The following PLEKHB2 variants were observed in gnomAD, a reference collection of about 807,000 sequenced individuals.
PLEKHB2 encodes pleckstrin homology domain containing B2.
PLEKHB2 carries 31 observed loss-of-function variants against 36.5 expected under a neutral mutation model. That is an observed-to-expected ratio of 0.85 (90% CI 0.64 to 1.15). The LOEUF (loss-of-function observed/expected upper bound fraction) is 1.15, where lower values mean the gene tolerates loss of function less well. Among genes scored for constraint, PLEKHB2 ranks in the 50% most tolerant of loss-of-function variants. The pLI is 0.00. For synonymous variants in PLEKHB2, 119 were observed against 112.0 expected, an observed-to-expected ratio of 1.06 and a Z score of -0.39; for missense variants, 262 against 295.3, an observed-to-expected ratio of 0.89 and a Z score of 0.83.
rs377175085 is a variant in PLEKHB2, at chr2:131,120,996, G to T, written c.37+18G>T. ...GCGACAGAGTGAGTACAGGATGTGC[G>T]GTCTGCGATCGGCATTGCCGAAGGG... On this transcript the variant is annotated intron_variant, in intron 2 of 7. Transcript: ENST00000693505. 1 of 1,612,602 alleles carries T rather than the reference G, an allele frequency of 6.2e-7. No homozygotes were observed. The highest frequency in any genetic ancestry group is 8.5e-7 in the Non-Finnish European group (1 of 1,178,780).
chr2:131,106,315 C>T (rs147505832), intron 1 of PLEKHB2, among the ~76,000 whole-genome samples: 20 of 152,242 alleles, frequency 1.3e-4, no homozygotes, highest in African/African-American at 4.1e-4. Context: ...GTGGAACCAC[C>T]ACCGAGGGAG....
At chr2:131,143,965 G>A (rs1699039335) in intron 7 of PLEKHB2, among the ~76,000 whole-genome samples, 1 of 152,198 alleles carries the variant, frequency 6.6e-6, no homozygotes, top group South Asian at 2.1e-4. Context: ...TACTCGGAAT[G>A]CTTGCCGCCC....
chr2:131,139,018 G>A (rs973233327), intron 6 of PLEKHB2, among the ~76,000 whole-genome samples: 2 of 152,184 alleles, frequency 1.3e-5, no homozygotes, highest in East Asian at 1.9e-4. Flanking sequence ...CACACTTGGC[G>A]TTTGCTGATG....
chr2:131,125,731 C>A, intron 2 of PLEKHB2, 22 bp from the exon 3 acceptor site: 1 of 1,569,400 alleles, frequency 6.4e-7, no homozygotes, highest in Non-Finnish European at 8.6e-7. Flanking sequence ...AAAAAAACAA[C>A]CGTACTATTT....
intron 1 of PLEKHB2, among the ~76,000 whole-genome samples, chr2:131,118,729 G>T (rs762944067): frequency 6.6e-6 from 1 of 150,830 alleles, no homozygotes; most frequent in Non-Finnish European, 1.5e-5. Flanking sequence ...TTAGCCGGGC[G>T]TGGTGGCGGG....
At chr2:131,125,972 C>T (rs2104868482) in intron 3 of PLEKHB2, 67 bp downstream of exon 3, 2 of 1,455,000 alleles carry the variant, frequency 1.4e-6, no homozygotes, top group Admixed American at 1.7e-5. Context: ...GAGCTTGGTC[C>T]TCTTCCTTCC....
At chr2:131,126,844 A>C in intron 4 of PLEKHB2, 58 bp downstream of exon 4, 1 of 1,004,244 alleles carries the variant, frequency 1.0e-6, no homozygotes, top group Non-Finnish European at 1.6e-6. Flanking sequence ...TTAACTTCTG[A>C]TTACCAAAAA....
At position 131,125,811 on chromosome 2, in the gene PLEKHB2, G is replaced by T; in HGVS notation, c.96G>T (p.Leu32=). The T allele has an allele frequency of 6.2e-7, 1 of 1,612,734 alleles. No homozygotes were observed. The highest frequency in any genetic ancestry group is 8.5e-7 in the Non-Finnish European group (1 of 1,178,998). Residue 32 remains leucine (L), a synonymous_variant, in exon 3 of 8, where the codon CTG becomes CTT. Transcript: ENST00000693505. The part of the protein sequence containing the change: ...NWFDLWSDGH[L]IYYDDQTRQN... ...TTGATCTGTGGTCGGATGGTCACCTGATCTATTATGATGACCAGACTCGGC... is the reference window on the plus strand; with the variant it reads ...TTGATCTGTGGTCGGATGGTCACCTTATCTATTATGATGACCAGACTCGGC...
intron 2 of PLEKHB2, among the ~76,000 whole-genome samples, chr2:131,123,582 T>C (rs1211899877): frequency 6.6e-6 from 1 of 152,190 alleles, no homozygotes. Flanking sequence ...TGGAGTGCAA[T>C]GGCATGATCT....
chr2:131,109,609 G>C (rs1216022335), intron 1 of PLEKHB2, among the ~76,000 whole-genome samples: 1 of 152,102 alleles, frequency 6.6e-6, no homozygotes, highest in African/African-American at 2.4e-5. Flanking sequence ...AGAATCGCTT[G>C]AACCTGGAAG....
At chr2:131,134,390 C>G (rs1698026151) in intron 6 of PLEKHB2, among the ~76,000 whole-genome samples, 1 of 152,192 alleles carries the variant, frequency 6.6e-6, no homozygotes, top group Non-Finnish European at 1.5e-5. Flanking sequence ...CAGGTTAAAA[C>G]TTAACATGAC....
chr2:131,123,927 C>T (rs1245393184), intron 2 of PLEKHB2, among the ~76,000 whole-genome samples: 1 of 151,410 alleles, frequency 6.6e-6, no homozygotes, highest in Non-Finnish European at 1.5e-5. Context: ...CTGCTCACTA[C>T]AGCCTTGATC....
At chr2:131,119,239 C>G (rs1280713370) in intron 1 of PLEKHB2, among the ~76,000 whole-genome samples, 6 of 151,888 alleles carry the variant, frequency 4.0e-5, no homozygotes, top group Non-Finnish European at 8.8e-5. Context: ...CTGGACATCG[C>G]AGCAAGAATC....
chr2:131,117,082 A>G (rs1041260785), intron 1 of PLEKHB2, among the ~76,000 whole-genome samples: 8 of 151,878 alleles, frequency 5.3e-5, no homozygotes, highest in Admixed American at 1.3e-4. Context: ...AGATAGTGCC[A>G]TTGCACTCCA....
Position 131,146,968 on chromosome 2 carries a change from G to T in PLEKHB2, c.*195G>T. 1 of 447,314 alleles carries T rather than the reference G, an allele frequency of 2.2e-6. No homozygotes were observed. The highest frequency in any genetic ancestry group is 3.9e-6 in the Non-Finnish European group (1 of 259,136). 27.7% of individuals were successfully genotyped at this position (447,314 alleles called of 1,614,324 possible). ...TTGAACTGTGCTATTTTGTTCAAAT[G>T]TTGACTCTCCGGGGGCACTGGCTCA... On this transcript the variant is annotated 3_prime_UTR_variant, in exon 8 of 8. Coordinates refer to ENST00000693505, the MANE Select transcript of PLEKHB2 (RefSeq NM_001100623.2).
At chr2:131,128,503 T>C (rs1341636266) in intron 4 of PLEKHB2, among the ~76,000 whole-genome samples, 1 of 152,226 alleles carries the variant, frequency 6.6e-6, no homozygotes, top group African/African-American at 2.4e-5. Context: ...CAACTATTTA[T>C]CTTGTTCATC....
At chr2:131,134,250 G>A (rs183654197) in intron 6 of PLEKHB2, among the ~76,000 whole-genome samples, 4 of 151,922 alleles carry the variant, frequency 2.6e-5, no homozygotes, top group Non-Finnish European at 5.9e-5. Flanking sequence ...GCAGTGGCAC[G>A]ATCTCGGCTC....
chr2:131,122,161 C>A (rs1398409333), intron 2 of PLEKHB2, among the ~76,000 whole-genome samples: 1 of 152,084 alleles, frequency 6.6e-6, no homozygotes, highest in African/African-American at 2.4e-5. Context: ...TCCCAAAGTG[C>A]TGGGATTACA....
chr2:131,142,583 T>C (rs923266081), intron 7 of PLEKHB2, among the ~76,000 whole-genome samples: 1 of 151,908 alleles, frequency 6.6e-6, no homozygotes, highest in African/African-American at 2.4e-5. Context: ...TTTCTTTTTT[T>C]TTTTTGAGAT....
Sources: allele counts gnomAD v4.1 joint callset (sites outside exome capture counted in the v4.1 genomes callset), GRCh38; gene constraint gnomAD v4.1.1; transcripts MANE v1.5; gene names NCBI Gene and HGNC (gene_info 2026-07-23, HGNC 2026-07-21).